The following RTF2 variants were observed in gnomAD, a reference collection of about 807,000 sequenced individuals.
The protein encoded by RTF2 is UPF0549 protein C20orf43.
RTF2 carries 18 observed loss-of-function variants against 38.0 expected under a neutral mutation model. That is an observed-to-expected ratio of 0.47 (90% CI 0.33 to 0.70). The LOEUF (loss-of-function observed/expected upper bound fraction) is 0.70. Ranked by LOEUF, RTF2 falls within the 30% of genes least tolerant of loss-of-function variation. RTF2 has a pLI of 0.02. For synonymous variants in RTF2, 126 were observed against 137.1 expected (o/e 0.92, Z 0.57); for missense variants, 311 against 379.6 (o/e 0.82, Z 1.50).
intron 1 of RTF2, among the ~76,000 whole-genome samples, chr20:56,470,237 A>T (rs1354447726): frequency 6.6e-6 from 1 of 152,252 alleles, no homozygotes; most frequent in Non-Finnish European, 1.5e-5. Flanking sequence ...TCACCAAAAA[A>T]GTGTTTAGCT....
intron 4 of RTF2, among the ~76,000 whole-genome samples, chr20:56,477,479 T>C (rs1982315183): frequency 6.6e-6 from 1 of 152,362 alleles, no homozygotes; most frequent in South Asian, 2.1e-4. Context: ...AAATGTTTCC[T>C]ATCAAGCAAA....
At chr20:56,473,513 A>T in intron 2 of RTF2, 118 bp downstream of exon 2, 1 of 675,138 alleles carries the variant, frequency 1.5e-6, no homozygotes. Flanking sequence ...TGTGAGGCAT[A>T]GGCTGTCGTT....
At chr20:56,491,691 A>C in intron 5 of RTF2, 1 of 1,552,256 alleles carries the variant, frequency 6.4e-7, no homozygotes, top group South Asian at 1.2e-5. Context: ...GGGTCTGTCG[A>C]GGGTTCGAAT....
chr20:56,473,323 T>G lies in RTF2; in HGVS notation c.92T>G (p.Val31Gly). Reference protein sequence around the residue: ...VEKVDKDAELVAQWNYCTLSQ... With the variant: ...VEKVDKDAELGAQWNYCTLSQ... ...TAGGTCGACAAAGATGCTGAATTAG[T>G]GGCCCAATGGAACTATTGTACTCTA... is the stretch of plus-strand genomic sequence containing the variant. The change falls in exon 2 of 9, where the codon GTG becomes GGG. Residue 31 changes from valine (V) to glycine (G), a missense_variant. Physicochemically the swap from Val to Gly is moderately radical, Grantham distance 109 (BLOSUM62 -3). Transcript: ENST00000357348. 2 of 1,613,652 alleles carry G rather than the reference T, an allele frequency of 1.2e-6. No homozygotes were observed. The highest frequency in any genetic ancestry group is 1.7e-6 in the Non-Finnish European group (2 of 1,179,674).
At chr20:56,505,862 A>G (rs1984232394) in intron 5 of RTF2, among the ~76,000 whole-genome samples, 2 of 152,202 alleles carry the variant, frequency 1.3e-5, no homozygotes, top group African/African-American at 2.4e-5. Flanking sequence ...CATTTAAAAA[A>G]TGAAATCCCT....
At chr20:56,480,921 A>G (rs1982497523) in intron 4 of RTF2, among the ~76,000 whole-genome samples, 1 of 152,260 alleles carries the variant, frequency 6.6e-6, no homozygotes, top group Admixed American at 6.5e-5. Context: ...CAGATGTAGT[A>G]ATCATGAAAT....
intron 5 of RTF2, among the ~76,000 whole-genome samples, chr20:56,500,371 A>T (rs1347487904): frequency 6.6e-6 from 1 of 152,204 alleles, no homozygotes; most frequent in Non-Finnish European, 1.5e-5. Context: ...TGTTTTTAAG[A>T]TAACTTGTGA....
chr20:56,513,241 A>G, intron 5 of RTF2, 74 bp from the exon 6 acceptor site: 1 of 1,534,104 alleles, frequency 6.5e-7, no homozygotes, highest in Non-Finnish European at 8.8e-7. Context: ...CTTGGGGCTG[A>G]GAGTGGGGGA....
chr20:56,518,144 G>A lies in RTF2; in HGVS notation c.800G>A (p.Arg267Lys), dbSNP rs746202683. 1.2e-6 allele frequency: 2 copies of A among 1,614,100 alleles called. No homozygotes were observed. The highest frequency in any genetic ancestry group is 1.7e-6 in the Non-Finnish European group (2 of 1,180,000). The change falls in exon 9 of 9, where the codon AGG becomes AAG. Residue 267 changes from arginine (R) to lysine (K), a missense_variant. Arg to Lys is a conservative substitution (Grantham distance 26, BLOSUM62 2). Coordinates refer to ENST00000357348, the MANE Select transcript of RTF2 (RefSeq NM_016407.5). ...AGKPPCGATK[R>K]SIADSEESEA... The stretch of plus-strand genomic sequence containing the variant: ...AAGCCTCCGTGTGGAGCCACAAAGA[G>A]GTCCATCGCTGACAGTGAAGAATCG...
At chr20:56,504,327 T>C (rs1984121458) in intron 5 of RTF2, 1 of 152,216 alleles carries the variant, frequency 6.6e-6, no homozygotes, top group Non-Finnish European at 1.5e-5. Flanking sequence ...AGAAGACGCC[T>C]GACCCAGATG....
chr20:56,473,199 A>G, intron 1 of RTF2, 102 bp from the exon 2 acceptor site: 2 of 838,624 alleles, frequency 2.4e-6, no homozygotes, highest in Non-Finnish European at 3.8e-6. Context: ...AAAAACAAAA[A>G]TCATTACAGT....
intron 5 of RTF2, among the ~76,000 whole-genome samples, chr20:56,511,324 T>C (rs1030227847): frequency 2.1e-4 from 32 of 151,992 alleles, no homozygotes; most frequent in African/African-American, 7.5e-4. Flanking sequence ...CAAACCCTGT[T>C]GTGAACTGCG....
intron 3 of RTF2, among the ~76,000 whole-genome samples, chr20:56,475,155 G>A (rs866078490): frequency 1.9e-4 from 29 of 152,212 alleles, no homozygotes; most frequent in African/African-American, 6.8e-4. Context: ...GTGATTAGAG[G>A]TTCTGATTGG....
chr20:56,472,549 G>T lies in RTF2; in HGVS notation c.70-752G>T, dbSNP rs945653515. The T allele has an allele frequency of 9.7e-6, 5 of 513,718 alleles. No individual in the cohort carries two copies. The South Asian group carries it at 1.5e-4, about 15-fold the overall frequency. 31.8% of individuals were successfully genotyped at this position (513,718 alleles called of 1,614,324 possible). On this transcript the variant is annotated intron_variant, in intron 1 of 8. Coordinates refer to ENST00000357348, the MANE Select transcript of RTF2 (RefSeq NM_016407.5). Reference sequence around the variant, plus strand: ...TCTGTTAAATTGAACATTTTATAAAGAATTATGTAGTCTTTGTTCTGAACT... The same window carrying T: ...TCTGTTAAATTGAACATTTTATAAATAATTATGTAGTCTTTGTTCTGAACT...
At chr20:56,496,560 T>TCAAG (rs1240929200) in intron 5 of RTF2, 15 of 1,338,744 alleles carry the variant, frequency 1.1e-5, no homozygotes, top group Admixed American at 9.5e-5. Context: ...AATCAGTCAG[T>TCAAG]CAATCAATCA....
intron 6 of RTF2, 34 bp downstream of exon 6, chr20:56,513,462 A>G: frequency 6.4e-7 from 1 of 1,556,360 alleles, no homozygotes; most frequent in South Asian, 1.2e-5. Context: ...CCCAGCCCCC[A>G]TCTCTGCTCC....
At chr20:56,484,748 C>T (rs1982699882) in intron 5 of RTF2, among the ~76,000 whole-genome samples, 1 of 152,190 alleles carries the variant, frequency 6.6e-6, no homozygotes, top group African/African-American at 2.4e-5. Flanking sequence ...CCTCAGCTCA[C>T]GTGGAGGAAA....
At chr20:56,474,516 CT>C (rs1215758966) in intron 2 of RTF2, among the ~76,000 whole-genome samples, 161 bp from the exon 3 acceptor site, 1 of 152,120 alleles carries the variant, frequency 6.6e-6, no homozygotes, top group African/African-American at 2.4e-5. Context: ...TCTTTGTATG[CT>C]CTGGAAATAG....
At position 56,501,048 on chromosome 20, in the gene RTF2, A is replaced by G. The variant is rs190733171; in HGVS notation, c.478-12267A>G. Among the ~76,000 whole-genome samples the G allele has an allele frequency of 1.9e-3, 287 of 152,314 alleles. 1 individual carries two copies. Among genetic ancestry groups the G allele is most frequent in the Non-Finnish European group, 3.6e-3 (247 of 68,032 alleles). ...TTATGGATCACAGAGTAATGTTTCA[A>G]TACACACAATGTATCAGCACAAGCT... is the stretch of plus-strand genomic sequence containing the variant. On this transcript the variant is annotated intron_variant, in intron 5 of 8. Coordinates refer to ENST00000357348, the MANE Select transcript of RTF2 (RefSeq NM_016407.5).
Sources: gnomAD v4.1 joint callset for allele counts (sites outside exome capture counted in the v4.1 genomes callset) on GRCh38, gnomAD v4.1.1 for gene constraint, MANE v1.5 for transcripts, NCBI Gene and HGNC (gene_info 2026-07-23, HGNC 2026-07-21) for gene names.